PDZRN3: variants seen among roughly 807,000 people sequenced by gnomAD.
The protein encoded by PDZRN3 is PDZ domain containing ring finger 3, also known as E3 ubiquitin-protein ligase PDZRN3.
Under a neutral mutation model 85.7 loss-of-function variants are expected in PDZRN3, and 38 were observed. That is an observed-to-expected ratio of 0.44 (90% CI 0.34 to 0.58). The LOEUF is 0.58. Among genes scored for constraint, PDZRN3 ranks in the 20% least tolerant of loss-of-function variants. PDZRN3 has a pLI of 0.01. For synonymous variants in PDZRN3, 759 were observed against 638.0 expected (o/e 1.19, Z -2.86); for missense variants, 1,629 against 1,506.4 (o/e 1.08, Z -1.35).
chr3:73,587,379 T>C (rs571761781), intron 3 of PDZRN3, among the ~76,000 whole-genome samples: 1 of 152,322 alleles, frequency 6.6e-6, no homozygotes, highest in African/African-American at 2.4e-5. Context: ...CCAAAAAAGT[T>C]TGCAGAATAC....
chr3:73,468,139 G>T (rs1429261344), intron 3 of PDZRN3, among the ~76,000 whole-genome samples: 3 of 152,074 alleles, frequency 2.0e-5, no homozygotes, highest in Admixed American at 2.0e-4. Context: ...AAAAAAAGCT[G>T]AAGAGGGAGG....
intron 1 of PDZRN3, among the ~76,000 whole-genome samples, chr3:73,614,458 T>C (rs1702731594): frequency 6.6e-6 from 1 of 152,190 alleles, no homozygotes; most frequent in Admixed American, 6.5e-5. Flanking sequence ...CTTTTCTGCC[T>C]AAGGACAGGT....
chr3:73,456,793 T>C (rs918001025), intron 3 of PDZRN3, among the ~76,000 whole-genome samples: 2 of 152,204 alleles, frequency 1.3e-5, no homozygotes, highest in African/African-American at 4.8e-5. Flanking sequence ...AAGGTAGCTA[T>C]AATCATACCA....
At chr3:73,497,412 AT>A (rs10575268) in intron 3 of PDZRN3, among the ~76,000 whole-genome samples, 1 of 151,928 alleles carries the variant, frequency 6.6e-6, no homozygotes, top group Non-Finnish European at 1.5e-5. Flanking sequence ...CTTTAAAAAA[AT>A]TTTTTTAACT....
intron 1 of PDZRN3, 50 bp from the exon 2 acceptor site, chr3:73,608,734 T>A (rs765168318): frequency 3.5e-6 from 4 of 1,128,932 alleles, no homozygotes; most frequent in Non-Finnish European, 5.3e-6. Flanking sequence ...AGGGAATAGA[T>A]GGTAGGAATT....
Position 73,543,566 on chromosome 3 carries a change from C to T in PDZRN3, c.918+58788G>A, listed in dbSNP as rs1701338898. 2.0e-5 allele frequency among the ~76,000 whole-genome samples: 3 copies of T among 152,208 alleles called. No homozygotes were observed. In the South Asian group the frequency reaches 6.2e-4, roughly 31 times the overall value. On this transcript the variant is annotated intron_variant, in intron 3 of 9. Coordinates refer to ENST00000263666, the MANE Select transcript of PDZRN3 (RefSeq NM_015009.3). ...TCTCTTTACTAGGGTTTCTAACAGA[C>T]AAAGGATTCAATATTTCCTTTAGGC...
intron 3 of PDZRN3, among the ~76,000 whole-genome samples, chr3:73,526,828 T>C (rs144472018): frequency 0.011 from 1,747 of 152,100 alleles, 38 homozygotes; most frequent in African/African-American, 0.039. Flanking sequence ...GCTGGGACTA[T>C]AGGCGTCTGC....
intron 3 of PDZRN3, among the ~76,000 whole-genome samples, chr3:73,542,133 A>C (rs1482544171): frequency 6.6e-6 from 1 of 152,230 alleles, no homozygotes; most frequent in Non-Finnish European, 1.5e-5. Context: ...AGTCCTATAA[A>C]CAACCTAAGG....
At chr3:73,590,055 G>A (rs985975752) in intron 3 of PDZRN3, among the ~76,000 whole-genome samples, 3 of 151,962 alleles carry the variant, frequency 2.0e-5, no homozygotes, top group African/African-American at 4.8e-5. Context: ...GATCACTTGA[G>A]GTCAAAAGTT....
intron 3 of PDZRN3, among the ~76,000 whole-genome samples, chr3:73,419,525 G>A (rs780764391): frequency 1.3e-5 from 2 of 152,266 alleles, no homozygotes; most frequent in East Asian, 1.9e-4. Context: ...AGGAGAACGC[G>A]GTGTTTTTCT....
At chr3:73,430,976 C>A (rs1459839887) in intron 3 of PDZRN3, among the ~76,000 whole-genome samples, 2 of 152,134 alleles carry the variant, frequency 1.3e-5, no homozygotes, top group Non-Finnish European at 2.9e-5. Context: ...TAGGCAGAGG[C>A]CCTGTCTTGA....
chr3:73,502,543 T>C (rs1184461469), intron 3 of PDZRN3, among the ~76,000 whole-genome samples: 1 of 152,252 alleles, frequency 6.6e-6, no homozygotes, highest in African/African-American at 2.4e-5. Flanking sequence ...TTTCTTTTAC[T>C]ATAGCGGTTT....
intron 1 of PDZRN3, among the ~76,000 whole-genome samples, chr3:73,613,658 A>G (rs542490876): frequency 6.6e-6 from 1 of 152,066 alleles, no homozygotes; most frequent in Admixed American, 6.5e-5. Context: ...CTATTCAGTA[A>G]CTCTTCCCAG....
intron 3 of PDZRN3, among the ~76,000 whole-genome samples, chr3:73,578,266 T>C (rs934168979): frequency 4.0e-5 from 6 of 151,010 alleles, no homozygotes; most frequent in Admixed American, 1.3e-4. Context: ...ACCTCCCAGG[T>C]CCACGCGATT....
Position 73,473,466 on chromosome 3 carries a change from GA to G in PDZRN3, c.919-69072del, listed in dbSNP as rs572833066. Among the ~76,000 whole-genome samples, 235 of 139,208 alleles carry G rather than the reference GA, an allele frequency of 1.7e-3. 1 individual carries two copies. Among genetic ancestry groups the G allele is most frequent in the South Asian group, 4.8e-3 (21 of 4,380 alleles). The allele number at this position is 139,208 out of a possible 152,430, so 91.3% of individuals were successfully genotyped here. On this transcript the variant is annotated intron_variant, in intron 3 of 9. Coordinates refer to ENST00000263666, the MANE Select transcript of PDZRN3 (RefSeq NM_015009.3). ...TGGGAAGATTGTTGGTGGCAAAGAGGAAAAAAAAAAACAGAAATTGGAGATA... is the reference window on the plus strand; with the variant it reads ...TGGGAAGATTGTTGGTGGCAAAGAGGAAAAAAAAAACAGAAATTGGAGATA...
At chr3:73,567,260 G>A (rs543200882) in intron 3 of PDZRN3, among the ~76,000 whole-genome samples, 1 of 152,178 alleles carries the variant, frequency 6.6e-6, no homozygotes, top group East Asian at 1.9e-4. Context: ...TCCACATCGA[G>A]CAGACAATGC....
chr3:73,624,085 C>G lies in PDZRN3; in HGVS notation c.723+18G>C. The G allele has an allele frequency of 7.0e-7, 1 of 1,426,818 alleles. No individual in the cohort carries two copies. Among genetic ancestry groups the G allele is most frequent in the Non-Finnish European group, 9.1e-7 (1 of 1,099,510 alleles). The allele number at this position is 1,426,818 out of a possible 1,614,324, so 88.4% of individuals were successfully genotyped here. On this transcript the variant is annotated intron_variant, in intron 1 of 9. Coordinates refer to ENST00000263666, the MANE Select transcript of PDZRN3 (RefSeq NM_015009.3). ...CAGGGATCCTGGCTGGAGGTCGGGG[C>G]GGGCAGCAGGCGCCTACCTTGCCGC... is the stretch of plus-strand genomic sequence containing the variant.
At chr3:73,488,994 G>A (rs1372631947) in intron 3 of PDZRN3, among the ~76,000 whole-genome samples, 1 of 152,186 alleles carries the variant, frequency 6.6e-6, no homozygotes, top group African/African-American at 2.4e-5. Flanking sequence ...TAGGCCTAAC[G>A]CATCCTGGCA....
intron 3 of PDZRN3, among the ~76,000 whole-genome samples, chr3:73,577,025 T>A (rs891782781): frequency 6.6e-6 from 1 of 152,210 alleles, no homozygotes; most frequent in Admixed American, 6.5e-5. Context: ...ATGTGATGTT[T>A]TGGGACATGA....
Sources: allele counts gnomAD v4.1 joint callset (sites outside exome capture counted in the v4.1 genomes callset), GRCh38; gene constraint gnomAD v4.1.1; transcripts MANE v1.5; gene names NCBI Gene and HGNC (gene_info 2026-07-23, HGNC 2026-07-21).